Variants in UGT1A10 observed in about 807,000 individuals in gnomAD.
The protein encoded by UGT1A10 is UDP-glucuronosyltransferase 1A10.
Under a neutral mutation model 45.8 loss-of-function variants are expected in UGT1A10, and 49 were observed. The observed-to-expected ratio is 1.07, with a 90% CI of 0.85 to 1.36. The LOEUF (loss-of-function observed/expected upper bound fraction) is 1.36. UGT1A10 is among the 40% of genes most tolerant of loss of function. The pLI is 0.00. For synonymous variants in UGT1A10, 284 were observed against 249.7 expected, an observed-to-expected ratio of 1.14 and a Z score of -1.29; for missense variants, 745 against 668.6, an observed-to-expected ratio of 1.11 and a Z score of -1.26.
intron 1 of UGT1A10, among the ~76,000 whole-genome samples, chr2:233,714,546 C>A (rs184179436): frequency 6.6e-6 from 1 of 152,158 alleles, no homozygotes; most frequent in East Asian, 1.9e-4. Flanking sequence ...ACCGAAGTGT[C>A]CAATAGAAAT....
At chr2:233,673,563 A>G (rs569309785) in intron 1 of UGT1A10, among the ~76,000 whole-genome samples, 2 of 152,034 alleles carry the variant, frequency 1.3e-5, no homozygotes, top group East Asian at 3.9e-4. Flanking sequence ...TTTTTTTGCT[A>G]TTGTGTCTTC....
chr2:233,643,926 A>G (rs2073529346), intron 1 of UGT1A10, among the ~76,000 whole-genome samples: 1 of 152,096 alleles, frequency 6.6e-6, no homozygotes, highest in African/African-American at 2.4e-5. Flanking sequence ...TCCTAAATGC[A>G]AGACAAAGTC....
At chr2:233,655,467 G>T (rs1346502988) in intron 1 of UGT1A10, among the ~76,000 whole-genome samples, 1 of 152,178 alleles carries the variant, frequency 6.6e-6, no homozygotes, top group Non-Finnish European at 1.5e-5. Context: ...CACGACTTAA[G>T]GAGGCTCATG....
chr2:233,661,677 T>TTCTTTCTTTCTTTCTC (rs2073972142), intron 1 of UGT1A10, among the ~76,000 whole-genome samples: 1 of 148,204 alleles, frequency 6.7e-6, no homozygotes, highest in African/African-American at 2.5e-5. Flanking sequence ...CTTTCTTTCT[T>TTCTTTCTTTCTTTCTC]TCTTTTTAAA....
At chr2:233,718,331 G>A (rs1043504676) in intron 1 of UGT1A10, among the ~76,000 whole-genome samples, 5 of 152,242 alleles carry the variant, frequency 3.3e-5, no homozygotes, top group African/African-American at 4.8e-5. Context: ...GCTTAGCAAT[G>A]TTGTATGTCT....
rs1334751612 is a variant in UGT1A10, at chr2:233,749,282, GTAGT to G, written c.856-17749_856-17746del. Among the ~76,000 whole-genome samples the G allele has an allele frequency of 7.2e-5, 11 of 151,846 alleles. 1 individual carries two copies. Among genetic ancestry groups the G allele is most frequent in the African/African-American group, 1.7e-4 (7 of 41,140 alleles). On this transcript the variant is annotated intron_variant, in intron 1 of 4. Coordinates refer to ENST00000344644, the MANE Select transcript of UGT1A10 (RefSeq NM_019075.4). ...TTGGTGATTTTCTCCCTTATGCAGT[GTAGT>G]TATTCAATTATAAAATATGTGTTTA...
intron 1 of UGT1A10, among the ~76,000 whole-genome samples, chr2:233,706,103 A>T (rs564369770): frequency 6.6e-6 from 1 of 152,060 alleles, no homozygotes; most frequent in Non-Finnish European, 1.5e-5. Context: ...TTAAAAAAAA[A>T]CCAAGAATTT....
intron 1 of UGT1A10, among the ~76,000 whole-genome samples, chr2:233,680,445 G>A (rs1422552682): frequency 6.6e-6 from 1 of 152,188 alleles, no homozygotes; most frequent in Admixed American, 6.5e-5. Context: ...AGAGGAAAGT[G>A]ACTAAGCAAA....
chr2:233,757,535 AAT>A (rs67292694), intron 1 of UGT1A10, among the ~76,000 whole-genome samples: 3,097 of 88,180 alleles, frequency 0.035, 322 homozygotes, highest in African/African-American at 0.14. Context: ...GCCTGTAAGG[AAT>A]ATATATATAT....
chr2:233,760,312 C>G (rs370790922), intron 1 of UGT1A10: 1 of 1,613,816 alleles, frequency 6.2e-7, no homozygotes, highest in East Asian at 2.2e-5. Context: ...CCAGGGCGGA[C>G]GCCCACTTGT....
chr2:233,772,435 G>C lies in UGT1A10; in HGVS notation c.1469G>C (p.Gly490Ala). ...WYQYHSLDVIGFLLAVVLTVA... is the reference protein window; with the variant it reads ...WYQYHSLDVIAFLLAVVLTVA... ...CAGTACCATTCCTTGGACGTGATTG[G>C]TTTCCTCTTGGCCGTCGTGCTGACA... Residue 490 changes from glycine to alanine, a missense_variant, in exon 5 of 5, where the codon GGT becomes GCT. Coordinates refer to ENST00000344644, the MANE Select transcript of UGT1A10 (RefSeq NM_019075.4). The C allele has an allele frequency of 6.2e-7, 1 of 1,614,208 alleles. No homozygotes were observed. The highest frequency in any genetic ancestry group is 1.7e-5 in the Admixed American group (1 of 60,022).
intron 1 of UGT1A10, among the ~76,000 whole-genome samples, chr2:233,746,975 C>G (rs1401004389): frequency 6.6e-6 from 1 of 151,722 alleles, no homozygotes; most frequent in Non-Finnish European, 1.5e-5. Context: ...TTCCCCAGAG[C>G]GAGCGCAGGG....
intron 1 of UGT1A10, among the ~76,000 whole-genome samples, chr2:233,653,960 T>C (rs569489254): frequency 6.6e-6 from 1 of 152,344 alleles, no homozygotes; most frequent in Admixed American, 6.5e-5. Flanking sequence ...ATTGAGGACA[T>C]TTCAACATTT....
chr2:233,695,036 G>A (rs2075254966), intron 1 of UGT1A10, among the ~76,000 whole-genome samples: 1 of 151,854 alleles, frequency 6.6e-6, no homozygotes, highest in Non-Finnish European at 1.5e-5. Flanking sequence ...ATACATTCTT[G>A]TTAACCATAG....
intron 1 of UGT1A10, among the ~76,000 whole-genome samples, chr2:233,678,058 T>C (rs2074407425): frequency 6.6e-6 from 1 of 152,162 alleles, no homozygotes; most frequent in Admixed American, 6.5e-5. Context: ...TAAGGGAATA[T>C]ATACAGGCAC....
chr2:233,711,133 G>C (rs1434131378), intron 1 of UGT1A10, among the ~76,000 whole-genome samples: 1 of 152,222 alleles, frequency 6.6e-6, no homozygotes, highest in Non-Finnish European at 1.5e-5. Flanking sequence ...CCTGGAAGCT[G>C]ATGCCTTGGG....
chr2:233,761,143 C>T, intron 1 of UGT1A10: 1 of 1,614,232 alleles, frequency 6.2e-7, no homozygotes, highest in Non-Finnish European at 8.5e-7. Flanking sequence ...CCAAAATCCA[C>T]TATCCCAGGT....
intron 1 of UGT1A10, among the ~76,000 whole-genome samples, chr2:233,734,119 A>AATC (rs958365418): frequency 7.2e-5 from 11 of 152,032 alleles, no homozygotes; most frequent in African/African-American, 2.7e-4. Flanking sequence ...TAATAATAAT[A>AATC]ATAAAAAGAA....
At chr2:233,686,166 A>G (rs1422403652) in intron 1 of UGT1A10, among the ~76,000 whole-genome samples, 1 of 152,178 alleles carries the variant, frequency 6.6e-6, no homozygotes, top group Non-Finnish European at 1.5e-5. Flanking sequence ...AAAGACCTAA[A>G]TAGAAAATCT....
Sources: allele counts gnomAD v4.1 joint callset (sites outside exome capture counted in the v4.1 genomes callset), GRCh38; gene constraint gnomAD v4.1.1; transcripts MANE v1.5; gene names NCBI Gene and HGNC (gene_info 2026-07-23, HGNC 2026-07-21).